HDAC9: variants seen among roughly 807,000 people sequenced by gnomAD.
HDAC9 encodes the protein MEF-2 interacting transcription repressor (MITR) protein.
Under a neutral mutation model 139.4 loss-of-function variants are expected in HDAC9, and 41 were observed. The observed-to-expected ratio is 0.29, with a 90% CI of 0.23 to 0.38. The LOEUF is 0.38. HDAC9 is among the 10% of genes least tolerant of loss of function. The pLI, the probability that HDAC9 is intolerant of heterozygous loss-of-function variation, is 1.00. For missense variants in HDAC9, 1,147 were observed against 1,297.0 expected (o/e 0.88, Z 1.78); for synonymous variants, 517 against 476.2 (o/e 1.09, Z -1.12).
chr7:18,367,883 G>A (rs1784307788), intron 1 of HDAC9, among the ~76,000 whole-genome samples: 1 of 152,080 alleles, frequency 6.6e-6, no homozygotes, highest in African/African-American at 2.4e-5. Context: ...TTTGGAGAAT[G>A]TTCGTGTGAT....
chr7:18,201,345 A>C (rs1240489016), intron 2 of HDAC9, among the ~76,000 whole-genome samples: 2 of 152,242 alleles, frequency 1.3e-5, no homozygotes, highest in African/African-American at 2.4e-5. Flanking sequence ...GTTCTGAGTC[A>C]CTAAGAAATA....
intron 21 of HDAC9, among the ~76,000 whole-genome samples, chr7:18,844,525 A>T (rs2129218333): frequency 6.6e-6 from 1 of 152,344 alleles, no homozygotes; most frequent in African/African-American, 2.4e-5. Flanking sequence ...CATTAAAGAA[A>T]CATATTGTTG....
At chr7:18,293,124 T>G (rs1319166136) in intron 1 of HDAC9, among the ~76,000 whole-genome samples, 2 of 152,166 alleles carry the variant, frequency 1.3e-5, no homozygotes, top group African/African-American at 4.8e-5. Flanking sequence ...CATTTTTCCT[T>G]CGTTGGCTAC....
At chr7:18,937,666 T>C (rs1781738016) in intron 23 of HDAC9, among the ~76,000 whole-genome samples, 1 of 152,212 alleles carries the variant, frequency 6.6e-6, no homozygotes, top group Admixed American at 6.5e-5. Context: ...AGAAATATGT[T>C]ACAGAAGCAT....
At chr7:18,176,587 G>T (rs1037162711) in intron 2 of HDAC9, among the ~76,000 whole-genome samples, 17 of 152,062 alleles carry the variant, frequency 1.1e-4, no homozygotes, top group Non-Finnish European at 2.4e-4. Flanking sequence ...TATAATTAGA[G>T]ATTTTTTTAA....
chr7:18,310,803 A>C (rs1040710179), intron 1 of HDAC9, among the ~76,000 whole-genome samples: 1 of 130,612 alleles, frequency 7.7e-6, no homozygotes, highest in Non-Finnish European at 1.6e-5. Context: ...ACTTGTACAA[A>C]TCCATTACAC....
At chr7:18,959,560 G>A (rs1221227521) in intron 24 of HDAC9, among the ~76,000 whole-genome samples, 1 of 152,146 alleles carries the variant, frequency 6.6e-6, no homozygotes, top group African/African-American at 2.4e-5. Context: ...CACCAGTGTA[G>A]GAGATTTTAA....
chr7:18,624,919 T>C (rs1841239619), intron 6 of HDAC9, among the ~76,000 whole-genome samples: 1 of 151,870 alleles, frequency 6.6e-6, no homozygotes, highest in Admixed American at 6.6e-5. Context: ...AGGCAGAAGG[T>C]TTTGCTAGAA....
chr7:18,981,139 T>A (rs1404438384), intron 25 of HDAC9, among the ~76,000 whole-genome samples: 5 of 152,218 alleles, frequency 3.3e-5, no homozygotes, highest in African/African-American at 1.2e-4. Flanking sequence ...CTTCTTTTAA[T>A]ATATTGGCCA....
chr7:18,462,270 CT>C (rs1793917449), intron 1 of HDAC9, among the ~76,000 whole-genome samples: 1 of 151,948 alleles, frequency 6.6e-6, no homozygotes, highest in Admixed American at 6.6e-5. Flanking sequence ...AGCTTCTTTC[CT>C]TTGTCTAGGC....
At chr7:18,681,744 A>G (rs1486038893) in intron 12 of HDAC9, among the ~76,000 whole-genome samples, 1 of 152,020 alleles carries the variant, frequency 6.6e-6, no homozygotes, top group African/African-American at 2.4e-5. Context: ...ATCCTGCACT[A>G]AGAAAGTTAG....
rs183428624 is a variant in HDAC9, at chr7:18,957,503, G to T, written c.3022+3273G>T. The stretch of plus-strand genomic sequence containing the variant: ...TTCACCTGCTCCTTTGGGACTCCAG[G>T]ACCCTAATTGTGTTCCTCGTTTCCC... On this transcript the variant is annotated intron_variant, in intron 24 of 25. Coordinates refer to ENST00000686413, the MANE Select transcript of HDAC9 (RefSeq NM_178425.4). 2.5e-3 allele frequency among the ~76,000 whole-genome samples: 376 copies of T among 152,212 alleles called. 1 individual carries two copies. The highest frequency in any genetic ancestry group is 3.4e-3 in the Non-Finnish European group (232 of 68,010).
chr7:18,155,271 C>T (rs1236277371), intron 1 of HDAC9, among the ~76,000 whole-genome samples: 1 of 152,000 alleles, frequency 6.6e-6, no homozygotes, highest in African/African-American at 2.4e-5. Flanking sequence ...CAATAAAAAT[C>T]AGTGCAGTAA....
chr7:18,995,949 T>G lies in HDAC9; in HGVS notation c.3171-74T>G, dbSNP rs894019727. The stretch of plus-strand genomic sequence containing the variant: ...TCAGAGAGAGCTGAAAAATCAGCTT[T>G]GATTATGCATGAAAATCTACAATGT... On this transcript the variant is annotated intron_variant, in intron 25 of 25. Coordinates refer to ENST00000686413, the MANE Select transcript of HDAC9 (RefSeq NM_178425.4). The G allele has an allele frequency of 8.3e-5, 93 of 1,122,032 alleles. 1 individual carries two copies. The Admixed American group carries it at 1.7e-3, about 20-fold the overall frequency. The allele number at this position is 1,122,032 out of a possible 1,614,324, so 69.5% of individuals were successfully genotyped here. A position where few individuals can be genotyped will look rare whatever the true frequency, so the allele number is the denominator to read the frequency against.
chr7:18,273,056 G>T (rs1300874492), intron 2 of HDAC9, among the ~76,000 whole-genome samples: 418 of 84,484 alleles, frequency 4.9e-3, no homozygotes, highest in African/African-American at 0.011. Context: ...CCCCTTCTTC[G>T]TTTTTTTTTT....
chr7:18,849,613 A>G (rs1289201918), intron 21 of HDAC9, among the ~76,000 whole-genome samples: 1 of 152,198 alleles, frequency 6.6e-6, no homozygotes, highest in Non-Finnish European at 1.5e-5. Flanking sequence ...TGGCAGTGTG[A>G]ACATATAATT....
At chr7:18,316,467 A>C (rs575444531) in intron 1 of HDAC9, among the ~76,000 whole-genome samples, 2 of 152,142 alleles carry the variant, frequency 1.3e-5, no homozygotes, top group South Asian at 2.1e-4. Context: ...ACAAAAAATA[A>C]ATTTGGAGTC....
chr7:18,766,469 T>G (rs1386664734), intron 15 of HDAC9, among the ~76,000 whole-genome samples: 1 of 152,206 alleles, frequency 6.6e-6, no homozygotes. Flanking sequence ...ATATTGATGT[T>G]ATATAGATCC....
chr7:18,788,580 C>A (rs910856297), intron 16 of HDAC9, among the ~76,000 whole-genome samples: 5 of 151,894 alleles, frequency 3.3e-5, no homozygotes, highest in East Asian at 1.9e-4. Flanking sequence ...CATGGTGAAA[C>A]CCCATCTCTA....
Sources: allele counts gnomAD v4.1 joint callset (sites outside exome capture counted in the v4.1 genomes callset), GRCh38; gene constraint gnomAD v4.1.1; transcripts MANE v1.5; gene names NCBI Gene and HGNC (gene_info 2026-07-23, HGNC 2026-07-21).